The following DNAH1 variants were observed in gnomAD, a reference collection of about 807,000 sequenced individuals.
DNAH1 encodes the protein axonemal beta dynein heavy chain 1.
DNAH1 carries 327 observed loss-of-function variants against 484.3 expected under a neutral mutation model. The ratio of observed to expected loss-of-function variants is 0.68; its 90% CI spans 0.62 to 0.74. The LOEUF (loss-of-function observed/expected upper bound fraction) is 0.74. Ranked by LOEUF, DNAH1 falls within the 30% of genes least tolerant of loss-of-function variation. The pLI, the probability that DNAH1 is intolerant of heterozygous loss-of-function variation, is 0.00. For synonymous variants in DNAH1, 2,192 were observed against 2,191.9 expected (o/e 1.00, Z 0.00); for missense variants, 5,052 against 5,546.8 (o/e 0.91, Z 2.83).
Position 52,378,605 on chromosome 3 carries a change from G to C in DNAH1, c.7202G>C (p.Gly2401Ala), listed in dbSNP as rs550313460. Residue 2401 changes from glycine to alanine, a missense_variant, in exon 47 of 78, where the codon GGG becomes GCG. By Grantham distance (60) the Gly-to-Ala change is moderately conservative (BLOSUM62 0). Coordinates refer to ENST00000420323, the MANE Select transcript of DNAH1 (RefSeq NM_015512.5). Reference protein sequence around the residue: ...GEKSYRERVPGAPHIAHFTEP... With the variant: ...GEKSYRERVPAAPHIAHFTEP... ...GGCCATTCTCCTATTCCCCCAGCTG[G>C]GGCCCCCCACATTGCCCACTTCACG... 9 of 1,613,286 alleles carry C rather than the reference G, an allele frequency of 5.6e-6. No homozygotes were observed. The East Asian group carries it at 2.0e-4, about 36-fold the overall frequency.
chr3:52,349,744 G>T (rs751821105), intron 14 of DNAH1, among the ~76,000 whole-genome samples: 2 of 152,256 alleles, frequency 1.3e-5, no homozygotes, highest in African/African-American at 2.4e-5. Context: ...GAAGCCCTGC[G>T]TGTGTTGGTA....
intron 2 of DNAH1, among the ~76,000 whole-genome samples, chr3:52,323,349 C>G (rs544682093): frequency 6.6e-6 from 1 of 152,072 alleles, no homozygotes; most frequent in African/African-American, 2.4e-5. Flanking sequence ...GGGGGAATGA[C>G]GAGGAGAGAA....
chr3:52,341,675 ACAC>A (rs768686234), intron 8 of DNAH1, among the ~76,000 whole-genome samples: 1 of 151,672 alleles, frequency 6.6e-6, no homozygotes, highest in Non-Finnish European at 1.5e-5. Context: ...ACGTGTTCCC[ACAC>A]CTAAACCAAC....
chr3:52,351,402 A>G (rs1374132069), intron 16 of DNAH1, among the ~76,000 whole-genome samples: 1 of 152,232 alleles, frequency 6.6e-6, no homozygotes, highest in Non-Finnish European at 1.5e-5. Flanking sequence ...CAGGACCATC[A>G]GGGCCCTGCC....
At chr3:52,343,680 AG>A (rs942378856) in intron 8 of DNAH1, among the ~76,000 whole-genome samples, 2 of 152,126 alleles carry the variant, frequency 1.3e-5, no homozygotes, top group African/African-American at 4.8e-5. Context: ...TGCCATTACC[AG>A]GGCTAAAGGG....
In DNAH1 at chr3:52,376,045, G is replaced by A. The variant is rs1429608246; in HGVS notation, c.7198+52G>A. On this transcript the variant is annotated intron_variant, in intron 46 of 77. Coordinates refer to ENST00000420323, the MANE Select transcript of DNAH1 (RefSeq NM_015512.5). ...GGCACTGGTTCCAGGAGGAGCCCTG[G>A]GCTCTGGTTGGGTGTGTTGAGGCTG... 7 of 1,599,872 alleles carry A rather than the reference G, an allele frequency of 4.4e-6. No homozygotes were observed. The East Asian group carries it at 6.7e-5, about 15-fold the overall frequency.
In DNAH1 at chr3:52,373,050, A is replaced by G. The variant is rs377326562; in HGVS notation, c.6982A>G (p.Ile2328Val). 4 of 1,610,392 alleles carry G rather than the reference A, an allele frequency of 2.5e-6. No individual in the cohort carries two copies. The highest frequency in any genetic ancestry group is 3.3e-5 in the Admixed American group (2 of 59,860). Residue 2328 changes from isoleucine to valine, a missense_variant, in exon 44 of 78, where the codon ATT becomes GTT. Physicochemically the swap from Ile to Val is conservative, Grantham distance 29. Transcript: ENST00000420323. The stretch of plus-strand genomic sequence containing the variant: ...CGGCGGCTGGTACGACCGCAAGATC[A>G]TTGGTGAGTGTGGCCGGCCTGGCTC... ...DHGGWYDRKI[I>V]GAFKNLVDIN...
At chr3:52,318,150 C>G (rs1578056889) in intron 1 of DNAH1, among the ~76,000 whole-genome samples, 2 of 152,248 alleles carry the variant, frequency 1.3e-5, no homozygotes, top group African/African-American at 2.4e-5. Context: ...CTCCCGGGTT[C>G]AAGCGATTCT....
In DNAH1 at chr3:52,366,439, C is replaced by G. The variant is rs1703075903; in HGVS notation, c.5519-18C>G. 1.3e-6 allele frequency: 2 copies of G among 1,573,816 alleles called. No homozygotes were observed. Among genetic ancestry groups the G allele is most frequent in the African/African-American group, 1.4e-5 (1 of 73,758 alleles). ...AAGCCCATGCTCTGACCCTTGGGCC[C>G]CATGCCATGTCCCCCAGGCTTCCTG... On this transcript the variant is annotated intron_variant, in intron 34 of 77. Coordinates refer to ENST00000420323, the MANE Select transcript of DNAH1 (RefSeq NM_015512.5).
At chr3:52,338,686 T>A (rs189354282) in intron 8 of DNAH1, among the ~76,000 whole-genome samples, 43 of 152,236 alleles carry the variant, frequency 2.8e-4, no homozygotes, top group East Asian at 2.3e-3. Context: ...ATGAGTTTTT[T>A]AAAAATTCTC....
In DNAH1 at chr3:52,361,610, A is replaced by G; in HGVS notation, c.4875-51A>G. On this transcript the variant is annotated intron_variant, in intron 29 of 77. Transcript: ENST00000420323. The surrounding 1 kb of genome is among the most constrained non-coding windows in gnomAD (Gnocchi z 5.6). ...AGGGGGCCCTCAGAGGGAGGTGCCC[A>G]GATTGGGCTCTGAACACATGTGCCC... is the stretch of plus-strand genomic sequence containing the variant. The G allele has an allele frequency of 1.3e-6, 2 of 1,532,706 alleles. No homozygotes were observed. Among genetic ancestry groups the G allele is most frequent in the Non-Finnish European group, 1.8e-6 (2 of 1,129,606 alleles). 94.9% of individuals were successfully genotyped at this position (1,532,706 alleles called of 1,614,324 possible).
chr3:52,390,332 G>A (rs1357824435), intron 60 of DNAH1, among the ~76,000 whole-genome samples: 7 of 151,830 alleles, frequency 4.6e-5, no homozygotes, highest in Admixed American at 1.3e-4. Flanking sequence ...AGGCATGGTC[G>A]TGCATGCCTG....
intron 48 of DNAH1, among the ~76,000 whole-genome samples, chr3:52,380,381 G>T (rs1268952334): frequency 6.6e-6 from 1 of 152,040 alleles, no homozygotes; most frequent in East Asian, 1.9e-4. Context: ...AGACACAGGG[G>T]CAATCATCCC....
chr3:52,341,769 CCT>C (rs1701951007), intron 8 of DNAH1, among the ~76,000 whole-genome samples: 2 of 151,974 alleles, frequency 1.3e-5, no homozygotes, highest in Non-Finnish European at 2.9e-5. Context: ...GTCATCTTCC[CCT>C]GAGTCAAGTG....
chr3:52,328,059 A>G lies in DNAH1; in HGVS notation c.871+45A>G, dbSNP rs202165317. 1.2e-3 allele frequency: 1,842 copies of G among 1,597,808 alleles called. 3 individuals are homozygous for G. Among genetic ancestry groups the G allele is most frequent in the Non-Finnish European group, 1.5e-3 (1,746 of 1,167,162 alleles). The stretch of plus-strand genomic sequence containing the variant: ...AGTGGGGACACTATCTCATTCCAGT[A>G]GCAGCCCTGTCACAGACTCCTGGGC... On this transcript the variant is annotated intron_variant, in intron 6 of 77. Transcript: ENST00000420323.
chr3:52,340,960 C>T (rs78859618), intron 8 of DNAH1, among the ~76,000 whole-genome samples: 2,884 of 151,694 alleles, frequency 0.019, 43 homozygotes, highest in Middle Eastern at 0.034. Context: ...TTTTTTCTTC[C>T]TTCCTTCCTT....
At chr3:52,383,765 G>T in intron 51 of DNAH1, 95 bp from the exon 52 acceptor site, 1 of 1,452,108 alleles carries the variant, frequency 6.9e-7, no homozygotes, top group Non-Finnish European at 9.2e-7. Context: ...TGTCCTGGCT[G>T]CCATGCCACA....
At chr3:52,365,760 G>T (rs1703046842) in intron 34 of DNAH1, among the ~76,000 whole-genome samples, 1 of 152,116 alleles carries the variant, frequency 6.6e-6, no homozygotes, top group Non-Finnish European at 1.5e-5. Context: ...GCCCTGCAAG[G>T]CCTCCCCCAG....
chr3:52,357,767 ACTGT>A lies in DNAH1; in HGVS notation c.3980+36_3980+39del, dbSNP rs376932934. ...GCCACCTGGCCATGCCCACTCCGCC[ACTGT>A]CTGCCCACAAGGCTGAGGTGTCCAG... On this transcript the variant is annotated intron_variant, in intron 23 of 77. Coordinates refer to ENST00000420323, the MANE Select transcript of DNAH1 (RefSeq NM_015512.5). 3.2e-6 allele frequency: 5 copies of A among 1,572,754 alleles called. No homozygotes were observed. In the African/African-American group the frequency reaches 5.4e-5, roughly 17 times the overall value.
Sources: allele counts gnomAD v4.1 joint callset (sites outside exome capture counted in the v4.1 genomes callset), GRCh38; gene constraint gnomAD v4.1.1; non-coding constraint Gnocchi (gnomAD v3.1); transcripts MANE v1.5; gene names NCBI Gene and HGNC (gene_info 2026-07-23, HGNC 2026-07-21).